SPOCK1: variants seen among roughly 807,000 people sequenced by gnomAD.
SPOCK1 encodes SPARC (osteonectin), cwcv and kazal like domains proteoglycan 1.
SPOCK1 carries 23 observed loss-of-function variants against 55.3 expected under a neutral mutation model. The observed-to-expected ratio is 0.42, with a 90% confidence interval of 0.30 to 0.59. The LOEUF (loss-of-function observed/expected upper bound fraction) is 0.59. Among genes scored for constraint, SPOCK1 ranks in the 20% least tolerant of loss-of-function variants. The probability of loss-of-function intolerance (pLI) is 0.22; values close to 1 mark genes in which losing one functional copy is unlikely to be tolerated. For synonymous variants in SPOCK1, 226 were observed against 221.0 expected (o/e 1.02, Z -0.20); for missense variants, 499 against 552.5 (o/e 0.90, Z 0.97).
intron 3 of SPOCK1, among the ~76,000 whole-genome samples, chr5:137,214,406 T>C (rs1755674195): frequency 6.6e-6 from 1 of 152,194 alleles, no homozygotes; most frequent in Non-Finnish European, 1.5e-5. Context: ...GAAAGTGATG[T>C]CACTTCTACA....
Position 136,988,461 on chromosome 5 carries a change from A to G in SPOCK1, c.889T>C (p.Ser297Pro). ...AAGCAGTAGCACCACTCATTGTTAG[A>G]AAGCTTGCCATCCTTGAAGGAGTCA... ...SCDSFKDGKL[S>P]NNEWCYCFQK... is the part of the protein sequence containing the mutation. The change falls in exon 8 of 11, where the codon TCT becomes CCT. Residue 297 changes from serine (S) to proline (P), a missense_variant. Physicochemically the swap from Ser to Pro is moderately conservative, Grantham distance 74 (BLOSUM62 -1). Coordinates refer to ENST00000394945, the MANE Select transcript of SPOCK1 (RefSeq NM_004598.4). 2 of 1,614,120 alleles carry G rather than the reference A, an allele frequency of 1.2e-6. No individual in the cohort carries two copies. The highest frequency in any genetic ancestry group is 1.7e-6 in the Non-Finnish European group (2 of 1,180,000).
chr5:137,309,002 G>T (rs1757746302), intron 2 of SPOCK1, among the ~76,000 whole-genome samples: 1 of 152,146 alleles, frequency 6.6e-6, no homozygotes, highest in African/African-American at 2.4e-5. Context: ...GTTATCTCCA[G>T]GTGGTGAGAT....
At chr5:137,461,310 TAC>T (rs1210803635) in intron 2 of SPOCK1, among the ~76,000 whole-genome samples, 12 of 152,240 alleles carry the variant, frequency 7.9e-5, no homozygotes, top group African/African-American at 2.9e-4. Context: ...AGACTGCAGC[TAC>T]AGAGTTTCTA....
At chr5:137,422,310 T>C (rs1402456776) in intron 2 of SPOCK1, among the ~76,000 whole-genome samples, 4 of 152,174 alleles carry the variant, frequency 2.6e-5, no homozygotes, top group African/African-American at 9.7e-5. Flanking sequence ...TCTCTGTACT[T>C]CCTGTATTTG....
chr5:137,448,093 C>G (rs978196661), intron 2 of SPOCK1, among the ~76,000 whole-genome samples: 9 of 152,024 alleles, frequency 5.9e-5, no homozygotes, highest in African/African-American at 2.2e-4. Flanking sequence ...ACTAAAAATA[C>G]AAAAATTAGC....
intron 2 of SPOCK1, among the ~76,000 whole-genome samples, chr5:137,408,840 A>C (rs1676971713): frequency 6.6e-6 from 1 of 152,230 alleles, no homozygotes; most frequent in Non-Finnish European, 1.5e-5. Context: ...TACTAGCTGC[A>C]TGGCCTTGCC....
At chr5:137,207,771 C>G (rs1755544912) in intron 3 of SPOCK1, among the ~76,000 whole-genome samples, 1 of 152,136 alleles carries the variant, frequency 6.6e-6, no homozygotes. Context: ...AAAGTCTCAG[C>G]CCCGAGCCTG....
chr5:137,037,120 A>T (rs944115880), intron 6 of SPOCK1, among the ~76,000 whole-genome samples: 1 of 152,018 alleles, frequency 6.6e-6, no homozygotes, highest in Non-Finnish European at 1.5e-5. Context: ...GTATACCTGA[A>T]TCCAAGGCAC....
At chr5:137,289,968 G>A (rs976510183) in intron 2 of SPOCK1, among the ~76,000 whole-genome samples, 14 of 152,166 alleles carry the variant, frequency 9.2e-5, no homozygotes, top group Non-Finnish European at 8.8e-5. Context: ...AAGATGTGGA[G>A]CAACTGGAAC....
chr5:137,487,976 T>A (rs1754095202), intron 2 of SPOCK1, among the ~76,000 whole-genome samples: 1 of 152,244 alleles, frequency 6.6e-6, no homozygotes, highest in African/African-American at 2.4e-5. Context: ...TCATTTTGTC[T>A]AAAATGTTAT....
intron 4 of SPOCK1, among the ~76,000 whole-genome samples, chr5:137,136,185 CTA>C (rs1481478396): frequency 6.6e-6 from 1 of 152,132 alleles, no homozygotes; most frequent in Non-Finnish European, 1.5e-5. Flanking sequence ...GTCATAACTC[CTA>C]TGTTTTCTTC....
intron 5 of SPOCK1, among the ~76,000 whole-genome samples, chr5:137,102,237 C>A (rs144482576): frequency 6.3e-4 from 96 of 152,218 alleles, no homozygotes; most frequent in Non-Finnish European, 1.0e-3. Context: ...AGGGCCATAT[C>A]AGCCTGGATA....
At chr5:137,418,001 G>T (rs1265200832) in intron 2 of SPOCK1, among the ~76,000 whole-genome samples, 1 of 151,950 alleles carries the variant, frequency 6.6e-6, no homozygotes, top group Non-Finnish European at 1.5e-5. Flanking sequence ...TCCCCTTCCT[G>T]TGTCCATGTG....
intron 9 of SPOCK1, among the ~76,000 whole-genome samples, chr5:136,983,649 T>C (rs1209845764): frequency 2.0e-5 from 3 of 148,122 alleles, no homozygotes; most frequent in Middle Eastern, 3.6e-3. Flanking sequence ...GCTGAGGCCC[T>C]GGGTTGGTAA....
intron 2 of SPOCK1, among the ~76,000 whole-genome samples, chr5:137,370,214 G>A (rs1751169346): frequency 6.6e-6 from 1 of 152,096 alleles, no homozygotes; most frequent in Non-Finnish European, 1.5e-5. Flanking sequence ...GCATGACTCG[G>A]AATTGAACTT....
intron 2 of SPOCK1, among the ~76,000 whole-genome samples, chr5:137,491,106 C>T (rs566141933): frequency 6.6e-6 from 1 of 152,328 alleles, no homozygotes; most frequent in African/African-American, 2.4e-5. Flanking sequence ...CAGTCCTCCC[C>T]CAGAGCCCCA....
intron 6 of SPOCK1, among the ~76,000 whole-genome samples, chr5:136,994,669 G>T (rs1408336398): frequency 6.6e-6 from 1 of 150,968 alleles, no homozygotes; most frequent in Non-Finnish European, 1.5e-5. Context: ...TAAAATAGTT[G>T]CTTGTGTTAT....
intron 2 of SPOCK1, among the ~76,000 whole-genome samples, chr5:137,319,271 C>T (rs543207926): frequency 2.6e-5 from 4 of 152,306 alleles, no homozygotes; most frequent in Admixed American, 2.0e-4. Flanking sequence ...TAGGTAAAAA[C>T]CCATATAATT....
intron 6 of SPOCK1, among the ~76,000 whole-genome samples, chr5:137,018,766 A>G (rs1251205699): frequency 6.6e-6 from 1 of 152,102 alleles, no homozygotes; most frequent in East Asian, 1.9e-4. Flanking sequence ...TTCAAAATGT[A>G]TACCTGAATC....
Sources: allele counts gnomAD v4.1 joint callset (sites outside exome capture counted in the v4.1 genomes callset), GRCh38; gene constraint gnomAD v4.1.1; transcripts MANE v1.5; gene names NCBI Gene and HGNC (gene_info 2026-07-23, HGNC 2026-07-21).